NRG3: variants seen among roughly 807,000 people sequenced by gnomAD.
The protein encoded by NRG3 is pro-neuregulin-3, membrane-bound isoform.
NRG3 carries 31 observed loss-of-function variants against 66.9 expected under a neutral mutation model. The observed-to-expected ratio is 0.46, with a 90% CI of 0.35 to 0.63. The LOEUF (loss-of-function observed/expected upper bound fraction) is 0.63. Ranked by LOEUF, NRG3 falls within the 20% of genes least tolerant of loss-of-function variation. The pLI, the probability that NRG3 is intolerant of heterozygous loss-of-function variation, is 0.00. For synonymous variants in NRG3, 393 were observed against 359.4 expected, an observed-to-expected ratio of 1.09 and a Z score of -1.06; for missense variants, 910 against 878.9, an observed-to-expected ratio of 1.04 and a Z score of -0.45.
At chr10:82,417,280 C>A (rs1393299279) in intron 2 of NRG3, among the ~76,000 whole-genome samples, 2 of 152,056 alleles carry the variant, frequency 1.3e-5, no homozygotes, top group Non-Finnish European at 2.9e-5. Flanking sequence ...GAGAGAGAGA[C>A]CTTGTGGAAG....
At chr10:82,589,574 T>C (rs566859340) in intron 2 of NRG3, among the ~76,000 whole-genome samples, 5 of 152,268 alleles carry the variant, frequency 3.3e-5, no homozygotes, top group Admixed American at 2.6e-4. Context: ...TTATATAGCT[T>C]GTTAAGGGAA....
chr10:82,155,042 A>T (rs374902500), intron 1 of NRG3, among the ~76,000 whole-genome samples: 1 of 151,828 alleles, frequency 6.6e-6, no homozygotes, highest in African/African-American at 2.4e-5. Flanking sequence ...ATTGTCTATA[A>T]ATTTATTGAC....
intron 1 of NRG3, among the ~76,000 whole-genome samples, chr10:82,159,201 AATGATG>A (rs2132915441): frequency 6.6e-6 from 1 of 152,020 alleles, no homozygotes; most frequent in African/African-American, 2.4e-5. Context: ...AGCTAGGTTC[AATGATG>A]TATATGCAAG....
chr10:82,212,306 A>G (rs930449986), intron 1 of NRG3, among the ~76,000 whole-genome samples: 10 of 152,168 alleles, frequency 6.6e-5, no homozygotes, highest in African/African-American at 2.2e-4. Flanking sequence ...TACATCATCT[A>G]TTGAACATTT....
At chr10:81,908,637 C>T (rs1409084102) in intron 1 of NRG3, among the ~76,000 whole-genome samples, 1 of 152,292 alleles carries the variant, frequency 6.6e-6, no homozygotes, top group Non-Finnish European at 1.5e-5. Context: ...TGTTAAACCA[C>T]CTTTGTTCCT....
intron 1 of NRG3, among the ~76,000 whole-genome samples, chr10:81,941,946 A>G (rs772010122): frequency 1.3e-5 from 2 of 152,144 alleles, no homozygotes; most frequent in Non-Finnish European, 2.9e-5. Context: ...GGACTAAATC[A>G]TGCTGCTTTT....
In NRG3 at chr10:82,970,186, C is replaced by A. The variant is rs1002038598; in HGVS notation, c.1285-3602C>A. ...AAATTCTAAAAGTAATATTTTGGATCAAAGAGTATGTATATCTAAAATTTT... is the reference window on the plus strand; with the variant it reads ...AAATTCTAAAAGTAATATTTTGGATAAAAGAGTATGTATATCTAAAATTTT... On this transcript the variant is annotated intron_variant, in intron 6 of 8. Transcript: ENST00000372141. Among the ~76,000 whole-genome samples the A allele has an allele frequency of 2.0e-5, 3 of 152,136 alleles. No individual in the cohort carries two copies. The South Asian group carries it at 6.2e-4, about 32-fold the overall frequency.
chr10:82,061,393 C>G (rs184281490), intron 1 of NRG3, among the ~76,000 whole-genome samples: 1 of 152,118 alleles, frequency 6.6e-6, no homozygotes, highest in Non-Finnish European at 1.5e-5. Context: ...AATTTTAAAA[C>G]AGGTAGGGTG....
intron 2 of NRG3, among the ~76,000 whole-genome samples, chr10:82,491,327 G>GTATATATATACATATATATA (rs1843128206): frequency 1.2e-4 from 5 of 40,964 alleles, no homozygotes; most frequent in Non-Finnish European, 4.0e-4. Context: ...AAATAAAGAT[G>GTATATATATACATATATATA]CATCGCTTTC....
At chr10:82,834,968 A>T (rs2062705393) in intron 3 of NRG3, among the ~76,000 whole-genome samples, 1 of 152,174 alleles carries the variant, frequency 6.6e-6, no homozygotes. Context: ...GTGTTAAGGA[A>T]TTTTTTAAAA....
At chr10:81,938,936 A>G (rs897905226) in intron 1 of NRG3, among the ~76,000 whole-genome samples, 9 of 151,972 alleles carry the variant, frequency 5.9e-5, no homozygotes, top group Admixed American at 5.9e-4. Flanking sequence ...ATTTTCTTCT[A>G]TTCCTAGTTT....
intron 1 of NRG3, among the ~76,000 whole-genome samples, chr10:82,040,482 T>G (rs1039263638): frequency 6.6e-6 from 1 of 151,098 alleles, no homozygotes; most frequent in Non-Finnish European, 1.5e-5. Flanking sequence ...AACTGAAAAA[T>G]CTCTCTCTTG....
chr10:82,955,469 C>T (rs1301739245), intron 5 of NRG3, among the ~76,000 whole-genome samples: 1 of 151,804 alleles, frequency 6.6e-6, no homozygotes, highest in Non-Finnish European at 1.5e-5. Flanking sequence ...TTATTTTTAA[C>T]TTATGTAGTT....
At chr10:82,621,210 G>C (rs975471302) in intron 2 of NRG3, among the ~76,000 whole-genome samples, 1 of 152,180 alleles carries the variant, frequency 6.6e-6, no homozygotes, top group African/African-American at 2.4e-5. Flanking sequence ...TATTGTGCTA[G>C]TTAAAATACT....
At chr10:82,490,038 A>C (rs766922126) in intron 2 of NRG3, among the ~76,000 whole-genome samples, 4 of 152,214 alleles carry the variant, frequency 2.6e-5, no homozygotes, top group Non-Finnish European at 5.9e-5. Flanking sequence ...TAAGTGCCAG[A>C]ACCAGGTTTT....
Position 82,298,269 on chromosome 10 carries a change from AG to A in NRG3, c.824-60467del, listed in dbSNP as rs1210129901. ...AGAGATGGAGGGAGGGAGGGAAGGAAGGGAGAGAGGGAGGAAGGAAGGAAGG... is the reference window on the plus strand; with the variant it reads ...AGAGATGGAGGGAGGGAGGGAAGGAAGGAGAGAGGGAGGAAGGAAGGAAGG... On this transcript the variant is annotated intron_variant, in intron 1 of 8. Transcript: ENST00000372141. Among the ~76,000 whole-genome samples the A allele has an allele frequency of 4.6e-3, 699 of 151,596 alleles. 7 individuals are homozygous for A. Among genetic ancestry groups the A allele is most frequent in the African/African-American group, 0.016 (669 of 41,366 alleles).
intron 3 of NRG3, among the ~76,000 whole-genome samples, chr10:82,864,532 C>T (rs1779455468): frequency 6.6e-6 from 1 of 151,590 alleles, no homozygotes; most frequent in East Asian, 1.9e-4. Flanking sequence ...ATTATGGCAA[C>T]AGAAAAAAAT....
rs1853414317 is a variant in NRG3 at position 82,986,074 on chromosome 10, A to G, written c.*469A>G. ...CAATAGCCTCATCACAGGTTATGTC[A>G]TGTCGACACATGTAGTGTTTTCTAT... On this transcript the variant is annotated 3_prime_UTR_variant, in exon 9 of 9. Transcript: ENST00000372141. The G allele has an allele frequency of 6.4e-6, 1 of 156,668 alleles. No homozygotes were observed. Among genetic ancestry groups the G allele is most frequent in the Non-Finnish European group, 1.4e-5 (1 of 70,888 alleles). The allele number at this position is 156,668 out of a possible 1,614,324, so 9.7% of individuals were successfully genotyped here.
chr10:82,314,280 G>A (rs909203043), intron 1 of NRG3, among the ~76,000 whole-genome samples: 3 of 152,110 alleles, frequency 2.0e-5, no homozygotes, highest in African/African-American at 7.2e-5. Context: ...GTGGGTTGAT[G>A]TTATTTTAAA....
Sources: gnomAD v4.1 joint callset for allele counts (sites outside exome capture counted in the v4.1 genomes callset) on GRCh38, gnomAD v4.1.1 for gene constraint, MANE v1.5 for transcripts, NCBI Gene and HGNC (gene_info 2026-07-23, HGNC 2026-07-21) for gene names.